AUTS2: variants seen among roughly 807,000 people sequenced by gnomAD.
AUTS2 encodes the protein autism susceptibility gene 2 protein.
AUTS2 carries 17 observed loss-of-function variants against 112.4 expected under a neutral mutation model. That is an observed-to-expected ratio of 0.15 (90% confidence interval 0.10 to 0.23). The LOEUF (loss-of-function observed/expected upper bound fraction) is 0.23, where lower values mean the gene tolerates loss of function less well. Among genes scored for constraint, AUTS2 ranks in the 10% least tolerant of loss-of-function variants. AUTS2 has a pLI of 1.00. For missense variants in AUTS2, 1,510 were observed against 1,701.6 expected (o/e 0.89, Z 1.98); for synonymous variants, 751 against 702.7 (o/e 1.07, Z -1.09).
intron 4 of AUTS2, among the ~76,000 whole-genome samples, chr7:70,139,282 C>T (rs1212998448): frequency 6.6e-6 from 1 of 152,148 alleles, no homozygotes; most frequent in African/African-American, 2.4e-5. Flanking sequence ...ACTTCTAAAA[C>T]TGATTTGGTA....
At chr7:69,670,075 A>G (rs1050991287) in intron 1 of AUTS2, among the ~76,000 whole-genome samples, 1 of 152,204 alleles carries the variant, frequency 6.6e-6, no homozygotes, top group African/African-American at 2.4e-5. Context: ...CTTATGTACC[A>G]GAGAGGCTGT....
chr7:70,434,387 G>T (rs559597890), intron 4 of AUTS2, among the ~76,000 whole-genome samples: 1 of 152,310 alleles, frequency 6.6e-6, no homozygotes, highest in African/African-American at 2.4e-5. Flanking sequence ...AGCAGTGGCT[G>T]CCCTACAAGC....
intron 4 of AUTS2, among the ~76,000 whole-genome samples, chr7:70,213,681 C>T (rs1439680365): frequency 1.3e-5 from 2 of 152,072 alleles, no homozygotes; most frequent in Admixed American, 6.6e-5. Context: ...AGCTCTAAAA[C>T]GATGGCTCTT....
At chr7:70,170,587 C>T (rs1356456498) in intron 4 of AUTS2, among the ~76,000 whole-genome samples, 5 of 148,754 alleles carry the variant, frequency 3.4e-5, no homozygotes. Flanking sequence ...ATACTAGGGA[C>T]ACGTTATCTT....
At chr7:69,755,617 C>A (rs1308746835) in intron 1 of AUTS2, among the ~76,000 whole-genome samples, 1 of 152,166 alleles carries the variant, frequency 6.6e-6, no homozygotes, top group East Asian at 1.9e-4. Flanking sequence ...TGATGAGAGC[C>A]ATGGGAAACA....
intron 3 of AUTS2, among the ~76,000 whole-genome samples, chr7:70,126,045 T>C: frequency 6.6e-6 from 1 of 152,244 alleles, no homozygotes; most frequent in East Asian, 1.9e-4. Context: ...TTTGTTTTTT[T>C]GAATTGGTTA....
At chr7:70,338,551 A>G (rs1442988905) in intron 4 of AUTS2, among the ~76,000 whole-genome samples, 2 of 152,222 alleles carry the variant, frequency 1.3e-5, no homozygotes, top group Admixed American at 6.5e-5. Context: ...AAAGCCTGCT[A>G]TACAAGATGG....
chr7:70,138,560 G>C (rs1157838016), intron 4 of AUTS2, among the ~76,000 whole-genome samples: 1 of 152,180 alleles, frequency 6.6e-6, no homozygotes, highest in Non-Finnish European at 1.5e-5. Context: ...CAAATAGCTT[G>C]TATCCTGCTT....
At chr7:70,099,531 T>A (rs1281203201) in intron 2 of AUTS2, among the ~76,000 whole-genome samples, 1 of 151,976 alleles carries the variant, frequency 6.6e-6, no homozygotes, top group Non-Finnish European at 1.5e-5. Flanking sequence ...TAAATACAAT[T>A]CACAATGAGC....
chr7:70,107,063 G>C (rs1804802449), intron 2 of AUTS2, among the ~76,000 whole-genome samples: 1 of 152,102 alleles, frequency 6.6e-6, no homozygotes, highest in African/African-American at 2.4e-5. Context: ...ACCTTTTGCT[G>C]AACAAGTACT....
At chr7:69,801,673 T>G (rs1023198066) in intron 1 of AUTS2, among the ~76,000 whole-genome samples, 1 of 152,168 alleles carries the variant, frequency 6.6e-6, no homozygotes. Flanking sequence ...ATTTGTTCAT[T>G]TATTCATTCA....
intron 2 of AUTS2, among the ~76,000 whole-genome samples, chr7:70,026,183 C>A (rs1800515127): frequency 6.6e-6 from 1 of 152,180 alleles, no homozygotes; most frequent in African/African-American, 2.4e-5. Context: ...CCAGATATTC[C>A]CTAGAAGGGA....
chr7:70,500,258 T>A (rs1798720098), intron 5 of AUTS2, among the ~76,000 whole-genome samples: 1 of 151,764 alleles, frequency 6.6e-6, no homozygotes, highest in Non-Finnish European at 1.5e-5. Context: ...CTGGCCCCTC[T>A]CCCGTCCTGT....
chr7:69,604,431 G>A (rs1275723519), intron 1 of AUTS2, among the ~76,000 whole-genome samples: 1 of 152,216 alleles, frequency 6.6e-6, no homozygotes, highest in Non-Finnish European at 1.5e-5. Flanking sequence ...ATGTAGTTTA[G>A]TTGATAAAGC....
intron 4 of AUTS2, among the ~76,000 whole-genome samples, chr7:70,188,756 C>G (rs1272192314): frequency 6.6e-6 from 1 of 151,600 alleles, no homozygotes; most frequent in Non-Finnish European, 1.5e-5. Context: ...CATAAATGGG[C>G]ATCTTGTTTT....
At chr7:70,226,419 A>T (rs1317569948) in intron 4 of AUTS2, among the ~76,000 whole-genome samples, 1 of 146,600 alleles carries the variant, frequency 6.8e-6, no homozygotes, top group Non-Finnish European at 1.5e-5. Flanking sequence ...GTTACTCAGG[A>T]TGGTCTCAAT....
chr7:70,581,603 C>T (rs995443458), intron 5 of AUTS2, among the ~76,000 whole-genome samples: 5 of 152,232 alleles, frequency 3.3e-5, no homozygotes, highest in Middle Eastern at 3.4e-3. Flanking sequence ...TATGCACACG[C>T]CACTTTGGAA....
chr7:70,565,083 G>C (rs1801650786), intron 5 of AUTS2, among the ~76,000 whole-genome samples: 1 of 152,170 alleles, frequency 6.6e-6, no homozygotes, highest in Non-Finnish European at 1.5e-5. Context: ...GGGCGATAGA[G>C]TGAGACTCTG....
intron 1 of AUTS2, among the ~76,000 whole-genome samples, chr7:69,736,815 C>A (rs552060717): frequency 5.3e-4 from 80 of 152,162 alleles, no homozygotes; most frequent in African/African-American, 1.9e-3. Context: ...CTAGGGAGTT[C>A]TTAAGGGTTA....
Sources: allele counts gnomAD v4.1 joint callset (sites outside exome capture counted in the v4.1 genomes callset), GRCh38; gene constraint gnomAD v4.1.1; transcripts MANE v1.5; gene names NCBI Gene and HGNC (gene_info 2026-07-23, HGNC 2026-07-21).